The following TMTC1 variants were observed in gnomAD, a reference collection of about 807,000 sequenced individuals.
TMTC1 encodes the protein protein O-mannosyl-transferase TMTC1.
A neutral mutation model predicts 104.8 loss-of-function variants in TMTC1; 73 were observed. That is an observed-to-expected ratio of 0.70 (90% confidence interval 0.58 to 0.85). TMTC1 has a LOEUF of 0.85. Ranked by LOEUF, TMTC1 falls within the 40% of genes least tolerant of loss-of-function variation. The probability of loss-of-function intolerance (pLI) is 0.00; values close to 1 mark genes in which losing one functional copy is unlikely to be tolerated. For missense variants in TMTC1, 1,035 were observed against 1,096.1 expected (o/e 0.94, Z 0.79); for synonymous variants, 434 against 428.7 (o/e 1.01, Z -0.15).
chr12:29,544,074 T>C (rs1262408928), intron 10 of TMTC1, among the ~76,000 whole-genome samples: 1 of 151,962 alleles, frequency 6.6e-6, no homozygotes, highest in Non-Finnish European at 1.5e-5. Context: ...TGAAACCCCA[T>C]CTCTACTAAA....
Position 29,549,545 on chromosome 12 carries a change from T to A in TMTC1, c.1676+7312A>T, listed in dbSNP as rs73069601. Among the ~76,000 whole-genome samples, 482 of 150,964 alleles carry A rather than the reference T, an allele frequency of 3.2e-3. 1 individual carries two copies. The highest frequency in any genetic ancestry group is 4.7e-3 in the Non-Finnish European group (315 of 67,726). On this transcript the variant is annotated intron_variant, in intron 10 of 17. Transcript: ENST00000539277. ...AATACATGTTAGTTATGCCTCAATTTAAAAAAAAACACACAAACACAGGTA... is the reference window on the plus strand; with the variant it reads ...AATACATGTTAGTTATGCCTCAATTAAAAAAAAAACACACAAACACAGGTA...
intron 5 of TMTC1, chr12:29,641,369 A>C (rs1376718541): frequency 1.3e-5 from 2 of 152,360 alleles, no homozygotes; most frequent in African/African-American, 4.8e-5. Flanking sequence ...ACTGGAACAG[A>C]CACTAGTATC....
chr12:29,638,658 A>G (rs1326527198), intron 5 of TMTC1, among the ~76,000 whole-genome samples: 1 of 152,166 alleles, frequency 6.6e-6, no homozygotes, highest in African/African-American at 2.4e-5. Context: ...GCAGCTGTAA[A>G]CACTCAACCC....
chr12:29,743,230 A>T (rs938075596), intron 5 of TMTC1, among the ~76,000 whole-genome samples: 8 of 152,206 alleles, frequency 5.3e-5, no homozygotes, highest in Non-Finnish European at 1.0e-4. Flanking sequence ...GTGGGGGCAG[A>T]ATTGGAGCCC....
At chr12:29,710,056 CT>C (rs1941856978) in intron 5 of TMTC1, among the ~76,000 whole-genome samples, 1 of 145,716 alleles carries the variant, frequency 6.9e-6, no homozygotes, top group Non-Finnish European at 1.5e-5. Context: ...CTGCTATACC[CT>C]GTTAGACTCA....
At chr12:29,643,648 T>A (rs1364896419) in intron 5 of TMTC1, among the ~76,000 whole-genome samples, 3 of 14,690 alleles carry the variant, frequency 2.0e-4, no homozygotes, top group African/African-American at 1.1e-3. Context: ...AATATATATG[T>A]TATATTATAT....
chr12:29,725,310 A>G (rs1200760165), intron 5 of TMTC1, among the ~76,000 whole-genome samples: 2 of 151,672 alleles, frequency 1.3e-5, no homozygotes, highest in East Asian at 3.9e-4. Context: ...TACAGGCATG[A>G]GCCACCACGC....
At chr12:29,652,240 G>A (rs1038543020) in intron 5 of TMTC1, among the ~76,000 whole-genome samples, 2 of 152,144 alleles carry the variant, frequency 1.3e-5, no homozygotes, top group African/African-American at 4.8e-5. Flanking sequence ...AAGGTTCTAG[G>A]GAAGCATATA....
intron 5 of TMTC1, among the ~76,000 whole-genome samples, chr12:29,710,916 AAT>A (rs3042145): frequency 0.042 from 2,218 of 52,270 alleles, 65 homozygotes; most frequent in African/African-American, 0.11. Context: ...ATAATATATA[AAT>A]ATATATAAAT....
At chr12:29,681,940 C>G (rs1264062155) in intron 5 of TMTC1, among the ~76,000 whole-genome samples, 1 of 152,092 alleles carries the variant, frequency 6.6e-6, no homozygotes, top group Non-Finnish European at 1.5e-5. Context: ...GTTTATTACA[C>G]TTATTTTAAA....
At chr12:29,624,434 G>A (rs1156603796) in intron 6 of TMTC1, among the ~76,000 whole-genome samples, 1 of 152,126 alleles carries the variant, frequency 6.6e-6, no homozygotes, top group Non-Finnish European at 1.5e-5. Context: ...GTTTGATACT[G>A]TGTGTGCTCA....
intron 5 of TMTC1, among the ~76,000 whole-genome samples, chr12:29,654,144 T>G (rs1939647464): frequency 6.6e-6 from 1 of 152,084 alleles, no homozygotes; most frequent in South Asian, 2.1e-4. Flanking sequence ...ATCAAGTAAG[T>G]GAAATGACAA....
intron 16 of TMTC1, among the ~76,000 whole-genome samples, chr12:29,512,860 G>T (rs1943878418): frequency 6.6e-6 from 1 of 152,132 alleles, no homozygotes; most frequent in Non-Finnish European, 1.5e-5. Context: ...AAAGCCACAG[G>T]TTAAGGGTAT....
chr12:29,551,790 T>C (rs1228199433), intron 10 of TMTC1, among the ~76,000 whole-genome samples: 6 of 144,076 alleles, frequency 4.2e-5, no homozygotes, highest in South Asian at 4.2e-4. Context: ...CTTTCTTCTT[T>C]TTTTTTTTTT....
intron 5 of TMTC1, among the ~76,000 whole-genome samples, chr12:29,668,310 C>T (rs1261965615): frequency 6.6e-6 from 1 of 152,150 alleles, no homozygotes; most frequent in African/African-American, 2.4e-5. Flanking sequence ...AAGCAAGAGA[C>T]ATAAACTCTC....
At chr12:29,595,035 C>G (rs57764982) in intron 7 of TMTC1, among the ~76,000 whole-genome samples, 7,189 of 152,238 alleles carry the variant, frequency 0.047, 579 homozygotes, top group African/African-American at 0.16. Flanking sequence ...ATCATGACTT[C>G]CAATTAGTTA....
chr12:29,772,013 T>C (rs545750680), intron 1 of TMTC1, among the ~76,000 whole-genome samples: 1 of 152,302 alleles, frequency 6.6e-6, no homozygotes, highest in Admixed American at 6.5e-5. Context: ...TGAAAAGCAA[T>C]ACTAAAGGAA....
intron 5 of TMTC1, among the ~76,000 whole-genome samples, chr12:29,738,813 T>C (rs1459116394): frequency 1.3e-5 from 2 of 152,196 alleles, no homozygotes; most frequent in Non-Finnish European, 1.5e-5. Context: ...CATGTATGGA[T>C]ACATGACACA....
chr12:29,697,188 T>G (rs1256314254), intron 5 of TMTC1, among the ~76,000 whole-genome samples: 1 of 152,244 alleles, frequency 6.6e-6, no homozygotes, highest in Non-Finnish European at 1.5e-5. Context: ...GTAGACCTAG[T>G]CTGAATACAG....
Sources: allele counts gnomAD v4.1 joint callset (sites outside exome capture counted in the v4.1 genomes callset), GRCh38; gene constraint gnomAD v4.1.1; transcripts MANE v1.5; gene names NCBI Gene and HGNC (gene_info 2026-07-23, HGNC 2026-07-21).